Variants in KCNMB2 observed in about 807,000 individuals in gnomAD.
KCNMB2 encodes the protein potassium calcium-activated channel subfamily M regulatory beta subunit 2, also known as calcium-activated potassium channel subunit beta-2.
Under a neutral mutation model 24.5 loss-of-function variants are expected in KCNMB2, and 9 were observed. The observed-to-expected ratio is 0.37, with a 90% CI of 0.22 to 0.64. The LOEUF (loss-of-function observed/expected upper bound fraction) is 0.64, where lower values mean the gene tolerates loss of function less well. Among genes scored for constraint, KCNMB2 ranks in the 30% least tolerant of loss-of-function variants. KCNMB2 has a pLI of 0.63. For missense variants in KCNMB2, 226 were observed against 284.3 expected (o/e 0.79, Z 1.47); for synonymous variants, 109 against 104.4 (o/e 1.04, Z -0.27).
At chr3:178,755,440 G>A (rs1723998500) in intron 1 of KCNMB2, among the ~76,000 whole-genome samples, 1 of 152,146 alleles carries the variant, frequency 6.6e-6, no homozygotes, top group Non-Finnish European at 1.5e-5. Flanking sequence ...TGTAGAGTAG[G>A]AAAATGTATT....
At chr3:178,603,429 A>G (rs1718162801) in intron 1 of KCNMB2, among the ~76,000 whole-genome samples, 1 of 152,046 alleles carries the variant, frequency 6.6e-6, no homozygotes, top group Non-Finnish European at 1.5e-5. Context: ...AAGCCCTAGA[A>G]CAAATTTTTG....
At chr3:178,600,888 A>G (rs1718057384) in intron 1 of KCNMB2, among the ~76,000 whole-genome samples, 1 of 152,278 alleles carries the variant, frequency 6.6e-6, no homozygotes, top group Admixed American at 6.5e-5. Flanking sequence ...GCCTTCCACA[A>G]TGGTTGAACT....
chr3:178,625,011 G>C (rs555028195), intron 1 of KCNMB2, among the ~76,000 whole-genome samples: 14 of 152,116 alleles, frequency 9.2e-5, no homozygotes, highest in Non-Finnish European at 1.8e-4. Context: ...AGGGGTAGGG[G>C]GTGAACAGCA....
intron 3 of KCNMB2, 46 bp from the exon 4 acceptor site, chr3:178,828,132 C>A: frequency 1.4e-6 from 2 of 1,407,528 alleles, no homozygotes; most frequent in African/African-American, 1.4e-5. Context: ...ACCTTTCTCA[C>A]TATTAGCTCT....
At chr3:178,753,360 A>G (rs1723913961) in intron 1 of KCNMB2, among the ~76,000 whole-genome samples, 1 of 152,240 alleles carries the variant, frequency 6.6e-6, no homozygotes, top group African/African-American at 2.4e-5. Flanking sequence ...TGGCTCTGCC[A>G]AACACTGACT....
At chr3:178,823,393 A>C (rs6765682) in intron 2 of KCNMB2, among the ~76,000 whole-genome samples, 1 of 151,912 alleles carries the variant, frequency 6.6e-6, no homozygotes, top group Admixed American at 6.6e-5. Flanking sequence ...AGGAAAGACA[A>C]GGCCGTGAAA....
At chr3:178,634,482 A>G (rs2108541428) in intron 1 of KCNMB2, among the ~76,000 whole-genome samples, 1 of 152,234 alleles carries the variant, frequency 6.6e-6, no homozygotes, top group South Asian at 2.1e-4. Flanking sequence ...GCAAAATGGG[A>G]AAAATCCCTT....
intron 1 of KCNMB2, among the ~76,000 whole-genome samples, chr3:178,617,134 C>G (rs1297359415): frequency 6.6e-6 from 1 of 152,156 alleles, no homozygotes; most frequent in East Asian, 1.9e-4. Context: ...AACAATTGCT[C>G]AAATTCCTAC....
intron 1 of KCNMB2, among the ~76,000 whole-genome samples, chr3:178,578,924 G>A (rs1717096237): frequency 6.6e-6 from 1 of 152,016 alleles, no homozygotes; most frequent in South Asian, 2.1e-4. Context: ...CAATAATAAT[G>A]GGAGACTTTA....
intron 3 of KCNMB2, among the ~76,000 whole-genome samples, chr3:178,827,908 AG>A (rs1714895716): frequency 6.6e-6 from 1 of 152,216 alleles, no homozygotes; most frequent in Non-Finnish European, 1.5e-5. Flanking sequence ...GAGTTCCATA[AG>A]GGAAAAAAGA....
intron 4 of KCNMB2, among the ~76,000 whole-genome samples, chr3:178,837,378 T>C (rs979212853): frequency 6.6e-6 from 1 of 152,120 alleles, no homozygotes; most frequent in African/African-American, 2.4e-5. Flanking sequence ...AAAAATTGAT[T>C]CTGAGAGGCC....
At chr3:178,669,196 G>A (rs930736375) in intron 1 of KCNMB2, among the ~76,000 whole-genome samples, 2 of 152,144 alleles carry the variant, frequency 1.3e-5, no homozygotes, top group Non-Finnish European at 2.9e-5. Context: ...CATAAGTGAA[G>A]ATGGATGGGC....
chr3:178,570,763 A>G (rs1380030723), intron 1 of KCNMB2, among the ~76,000 whole-genome samples: 2 of 152,130 alleles, frequency 1.3e-5, no homozygotes, highest in Non-Finnish European at 2.9e-5. Context: ...ATATGCAGCA[A>G]TTTTTATTCT....
chr3:178,601,694 T>C (rs1718088985), intron 1 of KCNMB2, among the ~76,000 whole-genome samples: 1 of 152,190 alleles, frequency 6.6e-6, no homozygotes, highest in Non-Finnish European at 1.5e-5. Flanking sequence ...TGGTGGCTTC[T>C]CGGATATTCT....
chr3:178,779,436 A>C (rs1712732231), intron 1 of KCNMB2, among the ~76,000 whole-genome samples: 1 of 152,242 alleles, frequency 6.6e-6, no homozygotes, highest in African/African-American at 2.4e-5. Context: ...GGTAAAAATC[A>C]ACAAGAACAA....
intron 1 of KCNMB2, among the ~76,000 whole-genome samples, chr3:178,718,246 A>G (rs901605260): frequency 6.6e-6 from 1 of 152,202 alleles, no homozygotes; most frequent in African/African-American, 2.4e-5. Flanking sequence ...TTTGTGCCTG[A>G]GAAGAAACTT....
intron 1 of KCNMB2, among the ~76,000 whole-genome samples, chr3:178,538,712 T>C (rs904108837): frequency 2.0e-5 from 3 of 152,338 alleles, no homozygotes; most frequent in African/African-American, 4.8e-5. Context: ...TTCCGTATTC[T>C]TGATGATATA....
At chr3:178,630,768 T>C (rs1719292506) in intron 1 of KCNMB2, among the ~76,000 whole-genome samples, 1 of 152,172 alleles carries the variant, frequency 6.6e-6, no homozygotes, top group South Asian at 2.1e-4. Context: ...TATATGCAAA[T>C]TGATGTGAGG....
intron 1 of KCNMB2, among the ~76,000 whole-genome samples, chr3:178,668,189 T>C (rs1167106082): frequency 1.3e-5 from 2 of 152,092 alleles, no homozygotes; most frequent in Non-Finnish European, 2.9e-5. Context: ...CCTTTTCACA[T>C]TTATCACTTC....
Sources: gnomAD v4.1 joint callset for allele counts (sites outside exome capture counted in the v4.1 genomes callset) on GRCh38, gnomAD v4.1.1 for gene constraint, MANE v1.5 for transcripts, NCBI Gene and HGNC (gene_info 2026-07-23, HGNC 2026-07-21) for gene names.